The following PLCB1 variants were observed in gnomAD, a reference collection of about 807,000 sequenced individuals.
PLCB1 encodes the protein 1-phosphatidylinositol 4,5-bisphosphate phosphodiesterase beta-1.
PLCB1 carries 46 observed loss-of-function variants against 161.8 expected under a neutral mutation model. The observed-to-expected ratio is 0.28, with a 90% CI of 0.22 to 0.36. PLCB1 has a LOEUF of 0.36. Among genes scored for constraint, PLCB1 ranks in the 10% least tolerant of loss-of-function variants. The pLI is 1.00. For synonymous variants in PLCB1, 517 were observed against 503.7 expected (o/e 1.03, Z -0.35); for missense variants, 1,016 against 1,472.5 (o/e 0.69, Z 5.07).
chr20:8,781,721 T>C lies in PLCB1; in HGVS notation c.3112-6728T>C, dbSNP rs1482100631. On this transcript the variant is annotated intron_variant, in intron 27 of 31. Coordinates refer to ENST00000338037, the MANE Select transcript of PLCB1 (RefSeq NM_015192.4). ...GTTTCACATGGCTGGGGAGGCCTCA[T>C]AATCATGGCAGAAAGCAAGGAGGAG... 2.0e-5 allele frequency among the ~76,000 whole-genome samples: 3 copies of C among 152,176 alleles called. No individual in the cohort carries two copies. The East Asian group carries it at 5.8e-4, about 29-fold the overall frequency.
At chr20:8,532,945 G>T (rs972246347) in intron 3 of PLCB1, among the ~76,000 whole-genome samples, 1 of 151,798 alleles carries the variant, frequency 6.6e-6, no homozygotes, top group Non-Finnish European at 1.5e-5. Flanking sequence ...CATGTGCCAT[G>T]CTGGTGTGCT....
At chr20:8,361,668 G>A (rs1986547185) in intron 2 of PLCB1, among the ~76,000 whole-genome samples, 1 of 152,086 alleles carries the variant, frequency 6.6e-6, no homozygotes, top group African/African-American at 2.4e-5. Context: ...ATTATATTAA[G>A]GTAAGATTGA....
intron 3 of PLCB1, among the ~76,000 whole-genome samples, chr20:8,584,131 G>T (rs975294352): frequency 6.6e-6 from 1 of 152,058 alleles, no homozygotes; most frequent in Admixed American, 6.6e-5. Flanking sequence ...AATAGAAATC[G>T]CTTTGAACAA....
At chr20:8,178,618 A>AAGG (rs2051807321) in intron 2 of PLCB1, among the ~76,000 whole-genome samples, 1 of 152,114 alleles carries the variant, frequency 6.6e-6, no homozygotes, top group African/African-American at 2.4e-5. Flanking sequence ...TTGGGCTGTG[A>AAGG]AGGAGCTCTT....
At chr20:8,578,612 A>G (rs549387826) in intron 3 of PLCB1, among the ~76,000 whole-genome samples, 1 of 152,342 alleles carries the variant, frequency 6.6e-6, no homozygotes, top group East Asian at 1.9e-4. Flanking sequence ...CAGAGTACAG[A>G]CGATAGATGG....
intron 31 of PLCB1, among the ~76,000 whole-genome samples, chr20:8,823,904 C>T (rs1203422715): frequency 1.3e-5 from 2 of 151,856 alleles, no homozygotes; most frequent in Non-Finnish European, 2.9e-5. Context: ...AATTGTCTGC[C>T]AGTGATAATT....
chr20:8,795,220 T>G (rs1983957737), intron 31 of PLCB1, among the ~76,000 whole-genome samples: 1 of 152,178 alleles, frequency 6.6e-6, no homozygotes, highest in African/African-American at 2.4e-5. Context: ...GAGAGTTCAT[T>G]TTTTCCCTAT....
At chr20:8,391,179 C>T (rs917805685) in intron 3 of PLCB1, among the ~76,000 whole-genome samples, 11 of 151,820 alleles carry the variant, frequency 7.2e-5, no homozygotes, top group African/African-American at 2.2e-4. Flanking sequence ...TCACTATAAT[C>T]TATGTATAAG....
chr20:8,855,332 T>C (rs2146306624), intron 31 of PLCB1, among the ~76,000 whole-genome samples: 1 of 152,260 alleles, frequency 6.6e-6, no homozygotes, highest in Non-Finnish European at 1.5e-5. Context: ...AAGAATGCCA[T>C]TATTTCCATT....
intron 9 of PLCB1, among the ~76,000 whole-genome samples, chr20:8,675,721 T>C (rs182045813): frequency 6.6e-6 from 1 of 152,280 alleles, no homozygotes; most frequent in East Asian, 1.9e-4. Context: ...AAGAGACTTT[T>C]AAGGGCATAA....
chr20:8,237,277 C>T (rs1351107122), intron 2 of PLCB1, among the ~76,000 whole-genome samples: 3 of 151,904 alleles, frequency 2.0e-5, no homozygotes, highest in African/African-American at 7.3e-5. Flanking sequence ...GAATCGTAGG[C>T]AGACATTAAG....
At chr20:8,837,927 G>A (rs542286827) in intron 31 of PLCB1, among the ~76,000 whole-genome samples, 3 of 152,312 alleles carry the variant, frequency 2.0e-5, no homozygotes, top group African/African-American at 7.2e-5. Flanking sequence ...GATGAACAGT[G>A]GAGTCAGGCA....
chr20:8,299,344 A>G (rs1983787494), intron 2 of PLCB1, among the ~76,000 whole-genome samples: 1 of 152,142 alleles, frequency 6.6e-6, no homozygotes, highest in Admixed American at 6.6e-5. Flanking sequence ...TGAATGCACA[A>G]TAAAATCTAC....
chr20:8,150,353 C>T lies in PLCB1; in HGVS notation c.159C>T (p.Tyr53=), dbSNP rs749680503. Residue 53 remains tyrosine, a synonymous_variant, in exon 2 of 32, where the codon TAC becomes TAT. Coordinates refer to ENST00000338037, the MANE Select transcript of PLCB1 (RefSeq NM_015192.4). ...CTGACCCTCAGGGATTTTTCTTTTA[C>T]TGGACAGATCAAAACAAGGTAAGAA... ...LRTDPQGFFF[Y]WTDQNKETEL... 3.9e-6 allele frequency: 6 copies of T among 1,544,468 alleles called. No individual in the cohort carries two copies. Among genetic ancestry groups the T allele is most frequent in the Middle Eastern group, 1.7e-4 (1 of 5,926 alleles).
At chr20:8,611,213 G>A (rs1987894824) in intron 3 of PLCB1, among the ~76,000 whole-genome samples, 1 of 151,858 alleles carries the variant, frequency 6.6e-6, no homozygotes, top group Non-Finnish European at 1.5e-5. Context: ...CTATTTTAAG[G>A]AAAAAAATAT....
At chr20:8,230,056 CAAAAAAAAAAAAAAAA>C (rs547874616) in intron 2 of PLCB1, among the ~76,000 whole-genome samples, 2 of 58,878 alleles carry the variant, frequency 3.4e-5, no homozygotes, top group Admixed American at 3.0e-4. Flanking sequence ...GACTTGGCAG[CAAAAAAAAAAAAAAAA>C]AAAAAAAAAA....
chr20:8,478,454 G>T (rs908346446), intron 3 of PLCB1, among the ~76,000 whole-genome samples: 1 of 152,098 alleles, frequency 6.6e-6, no homozygotes, highest in Non-Finnish European at 1.5e-5. Context: ...TTAAGATGTG[G>T]ACATTCCATT....
At chr20:8,174,678 A>G (rs535511625) in intron 2 of PLCB1, among the ~76,000 whole-genome samples, 10 of 152,298 alleles carry the variant, frequency 6.6e-5, no homozygotes, top group African/African-American at 2.2e-4. Flanking sequence ...AGGGACCTAA[A>G]TGAAAGTAAG....
chr20:8,183,778 T>A (rs6039075), intron 2 of PLCB1, among the ~76,000 whole-genome samples: 59,917 of 152,018 alleles, frequency 0.39, 13,806 homozygotes, highest in African/African-American at 0.65. Context: ...TTTCCATATG[T>A]TTTTGAAATA....
Sources: allele counts gnomAD v4.1 joint callset (sites outside exome capture counted in the v4.1 genomes callset), GRCh38; gene constraint gnomAD v4.1.1; transcripts MANE v1.5; gene names NCBI Gene and HGNC (gene_info 2026-07-23, HGNC 2026-07-21).